Variants in SLC14A2 observed in about 807,000 individuals in gnomAD.
SLC14A2 encodes urea transporter 2.
SLC14A2 carries 91 observed loss-of-function variants against 104.6 expected under a neutral mutation model. That is an observed-to-expected ratio of 0.87 (90% CI 0.73 to 1.04). The LOEUF is 1.04. Among genes scored for constraint, SLC14A2 ranks in the 50% least tolerant of loss-of-function variants. The pLI, the probability that SLC14A2 is intolerant of heterozygous loss-of-function variation, is 0.00. For synonymous variants in SLC14A2, 476 were observed against 466.4 expected (o/e 1.02, Z -0.27); for missense variants, 1,189 against 1,156.0 (o/e 1.03, Z -0.41).
At chr18:45,248,380 A>G (rs1392415996) in intron 1 of SLC14A2, among the ~76,000 whole-genome samples, 3 of 152,158 alleles carry the variant, frequency 2.0e-5, no homozygotes, top group African/African-American at 7.2e-5. Context: ...GAAAGGCACT[A>G]GTGCATGCAG....
At chr18:45,332,326 T>A (rs1017664394) in intron 1 of SLC14A2, among the ~76,000 whole-genome samples, 7 of 152,230 alleles carry the variant, frequency 4.6e-5, no homozygotes, top group African/African-American at 1.2e-4. Context: ...CTATTCCCTA[T>A]ACAACATAAC....
intron 2 of SLC14A2, among the ~76,000 whole-genome samples, chr18:45,539,894 T>TGAA (rs2043858792): frequency 1.5e-5 from 2 of 135,722 alleles, no homozygotes; most frequent in Admixed American, 7.3e-5. Context: ...ATGAAAAGAG[T>TGAA]AAAAAAAAAA....
chr18:45,233,246 TAGG>T (rs1334990547), intron 1 of SLC14A2, among the ~76,000 whole-genome samples: 1 of 152,212 alleles, frequency 6.6e-6, no homozygotes, highest in Non-Finnish European at 1.5e-5. Context: ...CTGTGTTGTT[TAGG>T]AGATTTCACA....
intron 2 of SLC14A2, among the ~76,000 whole-genome samples, chr18:45,573,708 A>C (rs973655829): frequency 1.5e-4 from 23 of 152,342 alleles, no homozygotes; most frequent in African/African-American, 5.5e-4. Context: ...TGATCCCTCC[A>C]TCAATCTGCC....
intron 1 of SLC14A2, among the ~76,000 whole-genome samples, chr18:45,385,234 C>T (rs141274488): frequency 1.1e-3 from 165 of 152,320 alleles, no homozygotes; most frequent in Middle Eastern, 0.01. Flanking sequence ...TTCCAGGTGG[C>T]GTGCAGCAAA....
intron 1 of SLC14A2, among the ~76,000 whole-genome samples, chr18:45,371,044 G>T: frequency 6.6e-6 from 1 of 152,168 alleles, no homozygotes; most frequent in Non-Finnish European, 1.5e-5. Context: ...GGAATAATCT[G>T]TTGTACCCCA....
chr18:45,377,249 A>ATTT (rs113391997), intron 1 of SLC14A2, among the ~76,000 whole-genome samples: 57 of 144,668 alleles, frequency 3.9e-4, no homozygotes, highest in African/African-American at 1.4e-3. Flanking sequence ...CTCAGGGGTG[A>ATTT]TTTTTTTTTT....
intron 1 of SLC14A2, among the ~76,000 whole-genome samples, chr18:45,252,441 A>T (rs2084433028): frequency 1.3e-5 from 2 of 152,252 alleles, no homozygotes. Flanking sequence ...ATAGATAGAC[A>T]TCAATGAATG....
At chr18:45,642,090 G>A (rs1347356394) in intron 8 of SLC14A2, among the ~76,000 whole-genome samples, 2 of 152,202 alleles carry the variant, frequency 1.3e-5, no homozygotes, top group African/African-American at 4.8e-5. Context: ...AAAAGGGAGA[G>A]TCAATCCCAG....
chr18:45,235,667 G>T (rs542348299), intron 1 of SLC14A2, among the ~76,000 whole-genome samples: 1 of 151,440 alleles, frequency 6.6e-6, no homozygotes, highest in Non-Finnish European at 1.5e-5. Context: ...GACTGAGAAC[G>T]TGTGATGTTT....
chr18:45,214,489 C>T (rs935629841), intron 1 of SLC14A2, among the ~76,000 whole-genome samples: 2 of 152,110 alleles, frequency 1.3e-5, no homozygotes, highest in African/African-American at 2.4e-5. Context: ...TCCACAATGG[C>T]CTCTCAGTTC....
chr18:45,179,641 T>C, the SLC14A2 span, among the ~76,000 whole-genome samples: 1 of 152,210 alleles, frequency 6.6e-6, no homozygotes, highest in African/African-American at 2.4e-5. Context: ...GGTTATAGCA[T>C]AATTTCTATT....
At chr18:45,254,916 G>A (rs371284792) in intron 1 of SLC14A2, among the ~76,000 whole-genome samples, 6 of 152,132 alleles carry the variant, frequency 3.9e-5, no homozygotes, top group African/African-American at 1.4e-4. Flanking sequence ...GCAGGCCTGG[G>A]CAGCCGCCCA....
intron 2 of SLC14A2, among the ~76,000 whole-genome samples, chr18:45,530,621 A>G (rs1483321683): frequency 6.6e-6 from 1 of 152,122 alleles, no homozygotes; most frequent in Non-Finnish European, 1.5e-5. Flanking sequence ...ATGGCCAATA[A>G]AGTGCTGCTT....
chr18:45,347,348 C>G (rs866579840), intron 1 of SLC14A2, among the ~76,000 whole-genome samples: 4 of 152,336 alleles, frequency 2.6e-5, no homozygotes, highest in Middle Eastern at 3.4e-3. Context: ...GAGTGAGACC[C>G]TGTCTCAAAA....
intron 1 of SLC14A2, among the ~76,000 whole-genome samples, chr18:45,250,454 TTC>T (rs1173506902): frequency 2.6e-5 from 4 of 152,020 alleles, no homozygotes; most frequent in Admixed American, 2.0e-4. Context: ...CTCCTCTTTG[TTC>T]TCTTTTTTCT....
At chr18:45,322,061 TAA>T (rs1159519088) in intron 1 of SLC14A2, among the ~76,000 whole-genome samples, 1 of 152,178 alleles carries the variant, frequency 6.6e-6, no homozygotes, top group East Asian at 1.9e-4. Flanking sequence ...AACACATATT[TAA>T]AAGTTTAGAT....
chr18:45,583,076 A>G (rs935752338), intron 2 of SLC14A2, among the ~76,000 whole-genome samples: 3 of 152,236 alleles, frequency 2.0e-5, no homozygotes, highest in Non-Finnish European at 4.4e-5. Flanking sequence ...CTGGAAAGAG[A>G]CATTGGAGAA....
At chr18:45,192,842 G>T in the SLC14A2 span, among the ~76,000 whole-genome samples, 1 of 151,962 alleles carries the variant, frequency 6.6e-6, no homozygotes, top group South Asian at 2.1e-4. Context: ...ATTTTTAGTA[G>T]AGACGGGGTT....
Sources: allele counts gnomAD v4.1 joint callset (sites outside exome capture counted in the v4.1 genomes callset), GRCh38; gene constraint gnomAD v4.1.1; transcripts MANE v1.5; gene names NCBI Gene and HGNC (gene_info 2026-07-23, HGNC 2026-07-21).